Variants in WWOX observed in about 807,000 individuals in gnomAD.
WWOX encodes WW domain-containing oxidoreductase.
In WWOX, 69 loss-of-function variants were observed where a neutral mutation model predicts 46.2. The observed-to-expected ratio is 1.49, with a 90% CI of 1.23 to 1.82. WWOX has a LOEUF of 1.82. Ranked by LOEUF, WWOX falls within the 40% of genes most tolerant of loss-of-function variation. WWOX has a pLI of 0.00. For synonymous variants in WWOX, 359 were observed against 202.6 expected, an observed-to-expected ratio of 1.77 and a Z score of -6.56; for missense variants, 919 against 542.6, an observed-to-expected ratio of 1.69 and a Z score of -6.89.
intron 8 of WWOX, among the ~76,000 whole-genome samples, chr16:78,831,759 A>T (rs1425331357): frequency 6.6e-6 from 1 of 152,208 alleles, no homozygotes; most frequent in Admixed American, 6.5e-5. Flanking sequence ...AGTGAAAATA[A>T]TGATTATAAC....
intron 8 of WWOX, among the ~76,000 whole-genome samples, chr16:79,087,839 A>C (rs2048881650): frequency 6.6e-6 from 1 of 152,192 alleles, no homozygotes; most frequent in Non-Finnish European, 1.5e-5. Flanking sequence ...ATGTATGCTC[A>C]AGGGGACCAG....
intron 8 of WWOX, among the ~76,000 whole-genome samples, chr16:78,813,018 T>A (rs998743646): frequency 2.0e-5 from 3 of 151,710 alleles, no homozygotes; most frequent in African/African-American, 7.3e-5. Flanking sequence ...CCTTAATAGG[T>A]AAACCCATGT....
chr16:78,226,098 TC>T (rs1276338281), intron 5 of WWOX, among the ~76,000 whole-genome samples: 2 of 152,216 alleles, frequency 1.3e-5, no homozygotes, highest in Non-Finnish European at 2.9e-5. Flanking sequence ...AGTTGTTTAT[TC>T]TTCAGCAACA....
intron 8 of WWOX, among the ~76,000 whole-genome samples, chr16:78,796,540 C>G (rs1006778169): frequency 1.3e-5 from 2 of 152,222 alleles, no homozygotes; most frequent in Admixed American, 6.5e-5. Flanking sequence ...AACACATTGC[C>G]TTCTCAGGCT....
chr16:78,717,810 T>C (rs1255152995), intron 8 of WWOX, among the ~76,000 whole-genome samples: 2 of 152,134 alleles, frequency 1.3e-5, no homozygotes, highest in Non-Finnish European at 2.9e-5. Context: ...GCCCTGTGGT[T>C]TTTCTCCTTC....
At chr16:78,916,522 A>T (rs2045255589) in intron 8 of WWOX, among the ~76,000 whole-genome samples, 1 of 152,292 alleles carries the variant, frequency 6.6e-6, no homozygotes, top group East Asian at 1.9e-4. Context: ...CAGTAGAGTG[A>T]CCTTATAATT....
intron 8 of WWOX, among the ~76,000 whole-genome samples, chr16:78,567,451 G>GC (rs1567649683): frequency 6.6e-6 from 1 of 150,474 alleles, no homozygotes; most frequent in African/African-American, 2.5e-5. Flanking sequence ...TACTCCGGAG[G>GC]CTGAGACAGG....
intron 8 of WWOX, among the ~76,000 whole-genome samples, chr16:78,995,234 C>T (rs181768943): frequency 1.8e-4 from 28 of 152,116 alleles, no homozygotes; most frequent in African/African-American, 6.5e-4. Flanking sequence ...AAAGCCCATG[C>T]CCAATCCTTG....
chr16:78,582,729 G>A (rs1048678355), intron 8 of WWOX, among the ~76,000 whole-genome samples: 16 of 152,148 alleles, frequency 1.1e-4, no homozygotes, highest in African/African-American at 3.9e-4. Flanking sequence ...AGGGTTGTTA[G>A]AAAAGTCTTC....
chr16:78,972,283 A>G (rs1337202250), intron 8 of WWOX, among the ~76,000 whole-genome samples: 1 of 152,124 alleles, frequency 6.6e-6, no homozygotes, highest in Non-Finnish European at 1.5e-5. Flanking sequence ...TACTTAAGAC[A>G]TCTGCTCAGA....
intron 5 of WWOX, among the ~76,000 whole-genome samples, chr16:78,274,444 C>A (rs974996153): frequency 1.5e-4 from 23 of 152,152 alleles, no homozygotes. Flanking sequence ...TTGGATATCC[C>A]TCTGGCCCGA....
chr16:78,957,379 CT>C (rs1322270365), intron 8 of WWOX, among the ~76,000 whole-genome samples: 8 of 152,314 alleles, frequency 5.3e-5, no homozygotes, highest in South Asian at 2.1e-4. Context: ...TCTTTTCCCC[CT>C]GTCTCTCTTT....
intron 8 of WWOX, among the ~76,000 whole-genome samples, chr16:79,139,649 ATC>A (rs2050050816): frequency 6.6e-6 from 1 of 151,338 alleles, no homozygotes; most frequent in Non-Finnish European, 1.5e-5. Flanking sequence ...AAGCAGGCCG[ATC>A]TTGTTGAAAT....
At chr16:78,901,681 GTTT>G (rs1284084428) in intron 8 of WWOX, among the ~76,000 whole-genome samples, 1 of 152,166 alleles carries the variant, frequency 6.6e-6, no homozygotes, top group Non-Finnish European at 1.5e-5. Context: ...TAGTAACACG[GTTT>G]TTTCATGTTG....
At chr16:79,101,247 C>G (rs1380679840) in intron 8 of WWOX, 2 of 152,188 alleles carry the variant, frequency 1.3e-5, no homozygotes, top group Non-Finnish European at 1.5e-5. Context: ...ATATTCGCAG[C>G]TTGTATGACA....
At chr16:79,093,668 C>T (rs1045242840) in intron 8 of WWOX, among the ~76,000 whole-genome samples, 1 of 152,206 alleles carries the variant, frequency 6.6e-6, no homozygotes, top group Non-Finnish European at 1.5e-5. Flanking sequence ...CCGCACACTT[C>T]CTGTCGAGGC....
chr16:78,295,029 C>A (rs1294627504), intron 5 of WWOX, among the ~76,000 whole-genome samples: 1 of 152,114 alleles, frequency 6.6e-6, no homozygotes, highest in Non-Finnish European at 1.5e-5. Context: ...TGTCCCCTGC[C>A]CAGGACAGGC....
intron 8 of WWOX, among the ~76,000 whole-genome samples, chr16:78,445,005 T>A (rs1199065932): frequency 1.3e-5 from 2 of 151,304 alleles, no homozygotes; most frequent in East Asian, 1.9e-4. Context: ...GTGTTTCGGA[T>A]CCCAGGTTCC....
At chr16:78,120,085 A>G (rs916110446) in intron 4 of WWOX, among the ~76,000 whole-genome samples, 2 of 152,124 alleles carry the variant, frequency 1.3e-5, no homozygotes, top group African/African-American at 4.8e-5. Context: ...ATACCAGTGA[A>G]ATATATTTTG....
Sources: gnomAD v4.1 joint callset for allele counts (sites outside exome capture counted in the v4.1 genomes callset) on GRCh38, gnomAD v4.1.1 for gene constraint, MANE v1.5 for transcripts, NCBI Gene and HGNC (gene_info 2026-07-23, HGNC 2026-07-21) for gene names.